The following TRIT1 variants were observed in gnomAD, a reference collection of about 807,000 sequenced individuals.
The protein encoded by TRIT1 is tRNA dimethylallyltransferase.
Under a neutral mutation model 51.2 loss-of-function variants are expected in TRIT1, and 43 were observed. That is an observed-to-expected ratio of 0.84 (90% confidence interval 0.66 to 1.08). The LOEUF (loss-of-function observed/expected upper bound fraction) is 1.08, where lower values mean the gene tolerates loss of function less well. Ranked by LOEUF, TRIT1 falls within the 50% of genes least tolerant of loss-of-function variation. The pLI is 0.00. For synonymous variants in TRIT1, 184 were observed against 203.9 expected, an observed-to-expected ratio of 0.90 and a Z score of 0.83; for missense variants, 528 against 578.4, an observed-to-expected ratio of 0.91 and a Z score of 0.89.
intron 1 of TRIT1, among the ~76,000 whole-genome samples, chr1:39,866,088 AGAAGAAAGGAAG>A (rs1312161369): frequency 3.1e-5 from 3 of 95,724 alleles, no homozygotes; most frequent in African/African-American, 1.1e-4. Flanking sequence ...AGGGAAGGAA[AGAAGAAAGGAAG>A]GAAGGAAGGA....
chr1:39,872,907 G>A (rs1306637592), intron 1 of TRIT1, among the ~76,000 whole-genome samples: 1 of 151,910 alleles, frequency 6.6e-6, no homozygotes, highest in Admixed American at 6.6e-5. Flanking sequence ...AAGAAAGAAA[G>A]AAAAGAAAGA....
chr1:39,842,545 C>T (rs543297264), intron 10 of TRIT1, among the ~76,000 whole-genome samples: 5 of 152,226 alleles, frequency 3.3e-5, no homozygotes, highest in East Asian at 1.9e-4. Context: ...CATTTATCAC[C>T]GACGATCTCT....
chr1:39,873,763 C>T (rs1486024464), intron 1 of TRIT1, among the ~76,000 whole-genome samples: 2 of 152,156 alleles, frequency 1.3e-5, no homozygotes, highest in Non-Finnish European at 2.9e-5. Context: ...GTGTCTCACA[C>T]CTGTAATCCC....
At position 39,857,292 on chromosome 1, in the gene TRIT1, A is replaced by G. The variant is rs1252021984; in HGVS notation, c.300T>C (p.Asn100=). Residue 100 remains asparagine, a synonymous_variant, in exon 2 of 11, where the codon AAT becomes AAC. Transcript: ENST00000316891. Reference sequence around the variant, plus strand: ...CTAAGGATATCAGAGCAGTTGCTCTATTTCTGAAGTCCACCACTGTGTAAT... The same window carrying G: ...CTAAGGATATCAGAGCAGTTGCTCTGTTTCTGAAGTCCACCACTGTGTAAT... The part of the protein sequence containing the change: ...VTNYTVVDFR[N]RATALIEDIF... 1.9e-6 allele frequency: 3 copies of G among 1,611,972 alleles called. No individual in the cohort carries two copies. The highest frequency in any genetic ancestry group is 2.5e-6 in the Non-Finnish European group (3 of 1,179,016).
In TRIT1 at chr1:39,848,648, A is replaced by C. The variant is rs141054827; in HGVS notation, c.704-551T>G. 4.2e-3 allele frequency among the ~76,000 whole-genome samples: 639 copies of C among 151,420 alleles called. 3 individuals carry two copies. The highest frequency in any genetic ancestry group is 0.015 in the African/African-American group (608 of 41,220). On this transcript the variant is annotated intron_variant, in intron 5 of 10. Coordinates refer to ENST00000316891, the MANE Select transcript of TRIT1 (RefSeq NM_017646.6). ...AGACCAGCCTGACCAACACAGTGAA[A>C]TCTGTCTCTACCAAAAGTACAAAAA... is the stretch of plus-strand genomic sequence containing the variant.
At position 39,850,746 on chromosome 1, in the gene TRIT1, T is replaced by C. The variant is rs139316135; in HGVS notation, c.561-485A>G. Among the ~76,000 whole-genome samples, 539 of 152,316 alleles carry C rather than the reference T, an allele frequency of 3.5e-3. 2 individuals carry two copies. Among genetic ancestry groups the C allele is most frequent in the African/African-American group, 0.012 (494 of 41,584 alleles). On this transcript the variant is annotated intron_variant, in intron 4 of 10. Transcript: ENST00000316891. ...TACTCACTCACTTTCAGATAAACAG[T>C]AAAAGAGCTTGTTTGGGACACTTTG... is the stretch of plus-strand genomic sequence containing the variant.
rs1392950074 is a variant in TRIT1 at position 39,839,604 on chromosome 1, T to C, written c.*2140A>G. On this transcript the variant is annotated 3_prime_UTR_variant, in exon 11 of 11. Coordinates refer to ENST00000316891, the MANE Select transcript of TRIT1 (RefSeq NM_017646.6). ...CAGATTTCTAGTGAGTGTTCTGCCT[T>C]TCCCAGGCTCTTTGCTGCTGATAAA... Among the ~76,000 whole-genome samples, 1 of 152,218 alleles carries C rather than the reference T, an allele frequency of 6.6e-6. No homozygotes were observed. Among genetic ancestry groups the C allele is most frequent in the Non-Finnish European group, 1.5e-5 (1 of 68,040 alleles).
chr1:39,856,214 G>A (rs904188522), intron 2 of TRIT1, among the ~76,000 whole-genome samples: 1 of 152,122 alleles, frequency 6.6e-6, no homozygotes, highest in African/African-American at 2.4e-5. Flanking sequence ...GATGAGGCAG[G>A]GGAATCACTT....
At chr1:39,873,510 CAGTAT>C (rs2124675668) in intron 1 of TRIT1, among the ~76,000 whole-genome samples, 1 of 152,194 alleles carries the variant, frequency 6.6e-6, no homozygotes, top group South Asian at 2.1e-4. Context: ...TGACTAACTG[CAGTAT>C]AGTATCCTAA....
At position 39,847,675 on chromosome 1, in the gene TRIT1, G is replaced by T. The variant is rs111344307; in HGVS notation, c.816-15C>A. 10 of 1,614,134 alleles carry T rather than the reference G, an allele frequency of 6.2e-6. No homozygotes were observed. Among genetic ancestry groups the T allele is most frequent in the African/African-American group, 5.3e-5 (4 of 75,044 alleles). Reference sequence around the variant, plus strand: ...GATAGTCCTGGCTGGGAACAGGAGGGTATCAGCAGATAAGCCATTGCTCCT... The same window carrying T: ...GATAGTCCTGGCTGGGAACAGGAGGTTATCAGCAGATAAGCCATTGCTCCT... On this transcript the variant is annotated splice_polypyrimidine_tract_variant and intron_variant, in intron 6 of 10. Transcript: ENST00000316891.
At chr1:39,869,539 G>A (rs910005822) in intron 1 of TRIT1, among the ~76,000 whole-genome samples, 10 of 152,168 alleles carry the variant, frequency 6.6e-5, no homozygotes, top group Admixed American at 2.6e-4. Flanking sequence ...TCTGGGAAGC[G>A]AGGAGTGTCT....
chr1:39,877,128 G>GCATCC (rs1226816594), intron 1 of TRIT1, among the ~76,000 whole-genome samples: 2 of 148,346 alleles, frequency 1.3e-5, no homozygotes, highest in Non-Finnish European at 1.5e-5. Flanking sequence ...CCTCCCCCAA[G>GCATCC]CATCCCATAT....
At chr1:39,854,988 C>T (rs1190878978) in intron 2 of TRIT1, among the ~76,000 whole-genome samples, 3 of 152,066 alleles carry the variant, frequency 2.0e-5, no homozygotes, top group Non-Finnish European at 4.4e-5. Flanking sequence ...GCTGGGACTA[C>T]AAGCACATGC....
chr1:39,840,777 T>A lies in TRIT1; in HGVS notation c.*967A>T, dbSNP rs190085373. 7.9e-5 allele frequency among the ~76,000 whole-genome samples: 12 copies of A among 152,314 alleles called. No individual in the cohort carries two copies. In the East Asian group the frequency reaches 2.1e-3, roughly 27 times the overall value. The stretch of plus-strand genomic sequence containing the variant: ...TACCCTAAAAATGCTATATTTGATG[T>A]TATATATAAATAAGTATCTGTTTAA... On this transcript the variant is annotated 3_prime_UTR_variant, in exon 11 of 11. Coordinates refer to ENST00000316891, the MANE Select transcript of TRIT1 (RefSeq NM_017646.6).
chr1:39,844,265 GA>G (rs1557528791), intron 9 of TRIT1, 47 bp from the exon 10 acceptor site: 2 of 1,439,836 alleles, frequency 1.4e-6, no homozygotes, highest in Non-Finnish European at 1.9e-6. Context: ...AAGAGATCTG[GA>G]TATAATTCTC....
At chr1:39,869,755 G>A (rs1457480100) in intron 1 of TRIT1, among the ~76,000 whole-genome samples, 2 of 150,518 alleles carry the variant, frequency 1.3e-5, no homozygotes, top group Non-Finnish European at 3.0e-5. Flanking sequence ...CTGCCCGACC[G>A]CCACCCCATC....
At chr1:39,845,467 C>G (rs1642170312) in intron 8 of TRIT1, among the ~76,000 whole-genome samples, 1 of 152,268 alleles carries the variant, frequency 6.6e-6, no homozygotes, top group Non-Finnish European at 1.5e-5. Flanking sequence ...CATCAAAGGC[C>G]TTCGGATGCC....
intron 1 of TRIT1, among the ~76,000 whole-genome samples, chr1:39,869,881 T>A (rs1643786590): frequency 6.7e-6 from 1 of 150,316 alleles, no homozygotes; most frequent in South Asian, 2.1e-4. Context: ...AGCTGCCCCC[T>A]CCAGGAGGTG....
chr1:39,857,951 C>T, intron 1 of TRIT1, among the ~76,000 whole-genome samples: 1 of 152,208 alleles, frequency 6.6e-6, no homozygotes, highest in Non-Finnish European at 1.5e-5. Flanking sequence ...ACCCCTAATA[C>T]TGCTGTACTC....
Sources: gnomAD v4.1 joint callset for allele counts (sites outside exome capture counted in the v4.1 genomes callset) on GRCh38, gnomAD v4.1.1 for gene constraint, MANE v1.5 for transcripts, NCBI Gene and HGNC (gene_info 2026-07-23, HGNC 2026-07-21) for gene names.